Variants in FREM2 observed in about 807,000 individuals in gnomAD.
FREM2 encodes the protein FRAS1 related extracellular matrix 2.
FREM2 carries 119 observed loss-of-function variants against 219.9 expected under a neutral mutation model. That is an observed-to-expected ratio of 0.54 (90% CI 0.47 to 0.63). FREM2 has a LOEUF of 0.63. FREM2 is among the 30% of genes least tolerant of loss of function. The pLI, the probability that FREM2 is intolerant of heterozygous loss-of-function variation, is 0.00. For missense variants in FREM2, 4,030 were observed against 3,993.6 expected (o/e 1.01, Z -0.25); for synonymous variants, 1,562 against 1,522.8 (o/e 1.03, Z -0.60).
chr13:38,824,850 C>T (rs1876213845), intron 6 of FREM2, among the ~76,000 whole-genome samples: 1 of 151,964 alleles, frequency 6.6e-6, no homozygotes, highest in Non-Finnish European at 1.5e-5. Context: ...CTGGTGGTCT[C>T]TCATTAGCTT....
chr13:38,689,558 A>G lies in FREM2; in HGVS notation c.2214A>G (p.Leu738=), dbSNP rs533231784. The change falls in exon 1 of 24, where the codon CTA becomes CTG. Residue 738 remains leucine, a synonymous_variant. Coordinates refer to ENST00000280481, the MANE Select transcript of FREM2 (RefSeq NM_207361.6). ...ACCTGGACACAGATGACCGAGAACT[A>G]CGTTACACAGTGACTCAGCCCCCCA... ...YTDLDTDDRE[L]RYTVTQPPTD... is the part of the protein sequence containing the mutation. 137 of 1,613,520 alleles carry G rather than the reference A, an allele frequency of 8.5e-5. 2 individuals carry two copies. The South Asian group carries it at 1.2e-3, about 14-fold the overall frequency.
intron 15 of FREM2, among the ~76,000 whole-genome samples, 189 bp from the exon 16 acceptor site, chr13:38,864,082 ACCTC>A (rs1877860838): frequency 6.6e-6 from 1 of 151,032 alleles, no homozygotes; most frequent in Non-Finnish European, 1.5e-5. Flanking sequence ...ACCCACCTAG[ACCTC>A]CCAAAGTGCC....
At chr13:38,821,718 A>G (rs1287726983) in intron 6 of FREM2, 2 of 152,124 alleles carry the variant, frequency 1.3e-5, no homozygotes, top group Non-Finnish European at 2.9e-5. Flanking sequence ...GCCTCACTTC[A>G]CGTGCTTATA....
chr13:38,796,703 A>C (rs1209612361), intron 6 of FREM2, among the ~76,000 whole-genome samples: 1 of 152,210 alleles, frequency 6.6e-6, no homozygotes, highest in Non-Finnish European at 1.5e-5. Context: ...TATATTTGCT[A>C]TTATAAATAG....
chr13:38,876,066 C>G lies in FREM2; in HGVS notation c.8326C>G (p.Leu2776Val). Residue 2776 changes from leucine (L) to valine (V), a missense_variant, in exon 19 of 24, where the codon CTG becomes GTG. Leu to Val is a conservative substitution (Grantham distance 32). Around this residue, in one of 2 missense-constraint regions of FREM2, gnomAD observed 928 missense variants for 1,042.9 expected, o/e 0.89. Transcript: ENST00000280481. The part of the protein sequence containing the change: ...SVIMSADHPG[L>V]TFSLRLIRSE... Reference sequence around the variant, plus strand: ...GATCATGTCAGCTGATCATCCAGGCCTGACATTTTCCCTCCGCCTCATAAG... The same window carrying G: ...GATCATGTCAGCTGATCATCCAGGCGTGACATTTTCCCTCCGCCTCATAAG... 6.2e-7 allele frequency: 1 copy of G among 1,614,040 alleles called. No individual in the cohort carries two copies. The highest frequency in any genetic ancestry group is 8.5e-7 in the Non-Finnish European group (1 of 1,179,928).
chr13:38,766,531 G>T (rs1873442526), intron 3 of FREM2, among the ~76,000 whole-genome samples: 1 of 151,968 alleles, frequency 6.6e-6, no homozygotes, highest in Non-Finnish European at 1.5e-5. Flanking sequence ...TGAATACGTT[G>T]CTTATAACTG....
At position 38,688,913 on chromosome 13, in the gene FREM2, C is replaced by G. The variant is rs1037596251; in HGVS notation, c.1569C>G (p.Asp523Glu). 2 of 1,612,678 alleles carry G rather than the reference C, an allele frequency of 1.2e-6. No homozygotes were observed. Among genetic ancestry groups the G allele is most frequent in the South Asian group, 1.1e-5 (1 of 90,908 alleles). Residue 523 changes from aspartate to glutamate, a missense_variant, in exon 1 of 24, where the codon GAC becomes GAG. Around this residue, in one of 2 missense-constraint regions of FREM2, gnomAD observed 3,102 missense variants for 2,950.7 expected, o/e 1.05. Coordinates refer to ENST00000280481, the MANE Select transcript of FREM2 (RefSeq NM_207361.6). The part of the protein sequence containing the change: ...AAGQVVYQHD[D>E]RDGSLSDNLV... ...GCCAGGTGGTCTACCAGCATGATGA[C>G]AGAGACGGCTCGCTGAGCGACAACC... is the stretch of plus-strand genomic sequence containing the variant.
At chr13:38,863,550 T>C (rs542221190) in intron 15 of FREM2, among the ~76,000 whole-genome samples, 1 of 4,200 alleles carries the variant, frequency 2.4e-4, no homozygotes, top group South Asian at 0.021. Flanking sequence ...AAAACTATGT[T>C]ATAAAACAAA....
At position 38,809,888 on chromosome 13, in the gene FREM2, G is replaced by A. The variant is rs559958412; in HGVS notation, c.6019+25080G>A. On this transcript the variant is annotated intron_variant, in intron 6 of 23. Coordinates refer to ENST00000280481, the MANE Select transcript of FREM2 (RefSeq NM_207361.6). ...GAAGAATGTTATTGGTATTTTTATA[G>A]GGATTGCATTAAATCTATGGATTGC... 5.0e-4 allele frequency among the ~76,000 whole-genome samples: 76 copies of A among 152,112 alleles called. 1 individual carries two copies. Among genetic ancestry groups the A allele is most frequent in the African/African-American group, 1.7e-3 (69 of 41,530 alleles).
At chr13:38,874,705 G>T (rs1878284145) in intron 18 of FREM2, 119 bp downstream of exon 18, 2 of 785,602 alleles carry the variant, frequency 2.5e-6, no homozygotes, top group East Asian at 5.0e-5. Context: ...CAAATGAATT[G>T]TACATGTGGG....
chr13:38,791,962 T>G (rs556103048), intron 6 of FREM2, among the ~76,000 whole-genome samples: 1 of 152,320 alleles, frequency 6.6e-6, no homozygotes, highest in African/African-American at 2.4e-5. Context: ...TTTTTGTCAT[T>G]TAATGGGAAG....
Position 38,690,825 on chromosome 13 carries a change from G to T in FREM2, c.3481G>T (p.Asp1161Tyr). The T allele has an allele frequency of 6.2e-7, 1 of 1,614,154 alleles. No homozygotes were observed. The highest frequency in any genetic ancestry group is 8.5e-7 in the Non-Finnish European group (1 of 1,180,036). Reference sequence around the variant, plus strand: ...CCATAAAGGGGTGGAACCTGTGGAGGACCGATTTGTATTTCGTTGTTCTGA... The same window carrying T: ...CCATAAAGGGGTGGAACCTGTGGAGTACCGATTTGTATTTCGTTGTTCTGA... ...SVHKGVEPVE[D>Y]RFVFRCSDGI... is the part of the protein sequence containing the mutation. Residue 1161 changes from aspartate (D) to tyrosine (Y), a missense_variant, in exon 1 of 24, where the codon GAC (aspartate) becomes TAC (tyrosine). Coordinates refer to ENST00000280481, the MANE Select transcript of FREM2 (RefSeq NM_207361.6).
chr13:38,749,727 C>A (rs1037310483), intron 2 of FREM2, among the ~76,000 whole-genome samples: 1 of 152,118 alleles, frequency 6.6e-6, no homozygotes, highest in South Asian at 2.1e-4. Context: ...CTCCAGACAT[C>A]GCCAAACATT....
chr13:38,783,145 G>A lies in FREM2; in HGVS notation c.5717G>A (p.Arg1906Lys). Residue 1906 changes from arginine (R) to lysine (K), a missense_variant, in exon 5 of 24, where the codon AGG (arginine) becomes AAG (lysine). Around this residue, in one of 2 missense-constraint regions of FREM2, gnomAD observed 3,102 missense variants for 2,950.7 expected, o/e 1.05. Transcript: ENST00000280481. ...GGTGAGCTGTTCATTCCCATCAGGAGGAGCGGAGATGTGAGCCAGGAGTTG... is the reference window on the plus strand; with the variant it reads ...GGTGAGCTGTTCATTCCCATCAGGAAGAGCGGAGATGTGAGCCAGGAGTTG... Reference protein sequence around the residue: ...DVGELFIPIRRSGDVSQELMV... With the variant: ...DVGELFIPIRKSGDVSQELMV... 2 of 1,614,044 alleles carry A rather than the reference G, an allele frequency of 1.2e-6. No homozygotes were observed. Among genetic ancestry groups the A allele is most frequent in the East Asian group, 2.2e-5 (1 of 44,874 alleles).
intron 8 of FREM2, 21 bp from the exon 9 acceptor site, chr13:38,850,017 T>C: frequency 6.2e-7 from 1 of 1,606,656 alleles, no homozygotes; most frequent in Non-Finnish European, 8.5e-7. Context: ...TTCTGTTCAC[T>C]TTAATCCTTT....
intron 2 of FREM2, among the ~76,000 whole-genome samples, chr13:38,725,917 T>C (rs775098944): frequency 6.6e-6 from 1 of 152,158 alleles, no homozygotes; most frequent in Non-Finnish European, 1.5e-5. Flanking sequence ...AAGGATGTAA[T>C]TTCAGATGGA....
At chr13:38,706,741 A>G (rs967884609) in intron 2 of FREM2, among the ~76,000 whole-genome samples, 1 of 152,210 alleles carries the variant, frequency 6.6e-6, no homozygotes, top group Non-Finnish European at 1.5e-5. Context: ...TTGGGTAATG[A>G]ATAAATTTTA....
chr13:38,765,679 T>C (rs980458000), intron 3 of FREM2, among the ~76,000 whole-genome samples: 1 of 152,138 alleles, frequency 6.6e-6, no homozygotes, highest in Non-Finnish European at 1.5e-5. Flanking sequence ...CATGTTTTGA[T>C]TCTGAATATT....
In FREM2 at chr13:38,751,860, TACTCTGTGTG is replaced by T. The variant is rs1328757791; in HGVS notation, c.5264-12443_5264-12434del. Among the ~76,000 whole-genome samples, 21 of 90,454 alleles carry T rather than the reference TACTCTGTGTG, an allele frequency of 2.3e-4. No homozygotes were observed. In the Admixed American group the frequency reaches 2.6e-3, roughly 11 times the overall value. The allele number at this position is 90,454 out of a possible 152,430, so 59.3% of individuals were successfully genotyped here. A position where few individuals can be genotyped will look rare whatever the true frequency, so the allele number is the denominator to read the frequency against. The stretch of plus-strand genomic sequence containing the variant: ...GACCACACCAACTTGTTTTTGTACT[TACTCTGTGTG>T]TGTGTGTGTGTGTGTGTGTGTGTGT... On this transcript the variant is annotated intron_variant, in intron 2 of 23. Transcript: ENST00000280481.
Sources: allele counts gnomAD v4.1 joint callset (sites outside exome capture counted in the v4.1 genomes callset), GRCh38; gene constraint gnomAD v4.1.1; regional missense constraint gnomAD v4.1.1; transcripts MANE v1.5; gene names NCBI Gene and HGNC (gene_info 2026-07-23, HGNC 2026-07-21).